ZNF385D: variants seen among roughly 807,000 people sequenced by gnomAD.
ZNF385D encodes the protein zinc finger protein 659.
In ZNF385D, 15 loss-of-function variants were observed where a neutral mutation model predicts 35.8. The observed-to-expected ratio is 0.42, with a 90% CI of 0.28 to 0.64. The LOEUF (loss-of-function observed/expected upper bound fraction) is 0.64, where lower values mean the gene tolerates loss of function less well. Ranked by LOEUF, ZNF385D falls within the 30% of genes least tolerant of loss-of-function variation. ZNF385D has a pLI of 0.23. For missense variants in ZNF385D, 474 were observed against 494.6 expected (o/e 0.96, Z 0.39); for synonymous variants, 212 against 186.8 (o/e 1.13, Z -1.10).
intron 2 of ZNF385D, among the ~76,000 whole-genome samples, chr3:21,605,234 G>C (rs1345198900): frequency 6.6e-6 from 1 of 152,156 alleles, no homozygotes. Flanking sequence ...AGTTGGGAAG[G>C]AAGACACACA....
At chr3:22,209,344 A>G (rs2125257455) in intron 2 of ZNF385D, among the ~76,000 whole-genome samples, 1 of 152,094 alleles carries the variant, frequency 6.6e-6, no homozygotes, top group African/African-American at 2.4e-5. Context: ...GAAAGTAATT[A>G]AAGTGAGTGG....
chr3:22,281,133 A>G (rs1701715529), intron 2 of ZNF385D, among the ~76,000 whole-genome samples: 1 of 152,016 alleles, frequency 6.6e-6, no homozygotes, highest in Non-Finnish European at 1.5e-5. Context: ...AGGAGCTTTT[A>G]GGATGAGTCT....
At chr3:22,337,170 A>G (rs1321627854) in intron 2 of ZNF385D, among the ~76,000 whole-genome samples, 1 of 149,504 alleles carries the variant, frequency 6.7e-6, no homozygotes, top group African/African-American at 2.4e-5. Context: ...TTTCCATGAG[A>G]TTTTTTTTTT....
Position 22,342,058 on chromosome 3 carries a change from G to A in ZNF385D, c.106+30392C>T, listed in dbSNP as rs529743177. Among the ~76,000 whole-genome samples, 29 of 151,876 alleles carry A rather than the reference G, an allele frequency of 1.9e-4. 1 individual carries two copies. The highest frequency in any genetic ancestry group is 2.8e-4 in the Non-Finnish European group (19 of 67,964). ...TGGGAGGCCAAGGCAGGCAGATCAC[G>A]AGGTCAGGAAATCGAGACCATCCTG... On this transcript the variant is annotated intron_variant, in intron 2 of 5. Transcript: ENST00000494108.
At chr3:22,033,221 G>T (rs2125485877) in intron 3 of ZNF385D, among the ~76,000 whole-genome samples, 1 of 151,982 alleles carries the variant, frequency 6.6e-6, no homozygotes, top group East Asian at 1.9e-4. Context: ...GGACAACATG[G>T]TGGAACCCTG....
chr3:21,630,957 A>T lies in ZNF385D; in HGVS notation c.165+33929T>A, dbSNP rs556098006. Among the ~76,000 whole-genome samples, 8 of 152,252 alleles carry T rather than the reference A, an allele frequency of 5.3e-5. 1 individual carries two copies. The South Asian group carries it at 1.2e-3, about 24-fold the overall frequency. On this transcript the variant is annotated intron_variant, in intron 2 of 7. Transcript: ENST00000281523. ...TAGTAGGAGGTGAAGATACGATAAAAATCCAAGTCATCTATCGAGTTTCGT... is the reference window on the plus strand; with the variant it reads ...TAGTAGGAGGTGAAGATACGATAAATATCCAAGTCATCTATCGAGTTTCGT...
chr3:22,167,002 T>C (rs1332049378), intron 3 of ZNF385D, among the ~76,000 whole-genome samples: 1 of 152,216 alleles, frequency 6.6e-6, no homozygotes, highest in Non-Finnish European at 1.5e-5. Flanking sequence ...GAGACTGAAA[T>C]ATACATTTTA....
At chr3:22,155,142 T>C (rs1035245141) in intron 3 of ZNF385D, among the ~76,000 whole-genome samples, 23 of 152,132 alleles carry the variant, frequency 1.5e-4, no homozygotes, top group African/African-American at 5.6e-4. Context: ...ATTGTATGAA[T>C]ATATAAAAAT....
chr3:21,974,021 A>T (rs1486792691), intron 3 of ZNF385D, among the ~76,000 whole-genome samples: 1 of 152,216 alleles, frequency 6.6e-6, no homozygotes, highest in East Asian at 1.9e-4. Context: ...TATTCAATAA[A>T]TGCCTATCAA....
At chr3:21,923,773 A>G (rs1053355341) in intron 3 of ZNF385D, among the ~76,000 whole-genome samples, 25 of 152,150 alleles carry the variant, frequency 1.6e-4, no homozygotes, top group Admixed American at 1.5e-3. Context: ...ACCAAATACC[A>G]TAAGTTCTCA....
At chr3:22,241,067 T>C (rs1576549093) in intron 2 of ZNF385D, among the ~76,000 whole-genome samples, 1 of 151,192 alleles carries the variant, frequency 6.6e-6, no homozygotes, top group Non-Finnish European at 1.5e-5. Flanking sequence ...TAATACCCAA[T>C]GAAGAGCTCC....
At chr3:21,439,297 C>CAAAAA (rs143786633) in intron 4 of ZNF385D, among the ~76,000 whole-genome samples, 1 of 89,304 alleles carries the variant, frequency 1.1e-5, no homozygotes. Flanking sequence ...GATTTTGAGG[C>CAAAAA]AAAAAAAAAA....
At chr3:21,481,370 G>T (rs937742263) in intron 4 of ZNF385D, among the ~76,000 whole-genome samples, 2 of 152,150 alleles carry the variant, frequency 1.3e-5, no homozygotes, top group African/African-American at 2.4e-5. Flanking sequence ...AGCTTGGTGA[G>T]AACCCAAGGG....
At chr3:22,151,497 C>T (rs772494421) in intron 3 of ZNF385D, among the ~76,000 whole-genome samples, 6 of 152,194 alleles carry the variant, frequency 3.9e-5, no homozygotes, top group South Asian at 2.1e-4. Flanking sequence ...TCCAAATTCA[C>T]TCAATTTAAA....
intron 3 of ZNF385D, among the ~76,000 whole-genome samples, chr3:21,930,385 C>T (rs903345725): frequency 1.3e-5 from 2 of 151,104 alleles, no homozygotes; most frequent in South Asian, 2.1e-4. Context: ...TAGGCAATTG[C>T]TACTCAGCTA....
intron 3 of ZNF385D, among the ~76,000 whole-genome samples, chr3:22,098,585 T>C (rs1701759010): frequency 6.6e-6 from 1 of 152,082 alleles, no homozygotes; most frequent in African/African-American, 2.4e-5. Flanking sequence ...AAAGTTTCTA[T>C]TTTTATTTGA....
At chr3:22,290,137 G>A (rs1001981328) in intron 2 of ZNF385D, among the ~76,000 whole-genome samples, 13 of 152,114 alleles carry the variant, frequency 8.5e-5, no homozygotes, top group African/African-American at 3.1e-4. Flanking sequence ...GGTGGATTAA[G>A]AGCCAAATTG....
chr3:22,171,708 C>T (rs1694442401), intron 2 of ZNF385D, among the ~76,000 whole-genome samples: 1 of 151,710 alleles, frequency 6.6e-6, no homozygotes, highest in Non-Finnish European at 1.5e-5. Flanking sequence ...AATCCCGTCT[C>T]TACTAAAAAA....
At chr3:21,732,651 A>T (rs1162492137) in intron 1 of ZNF385D, among the ~76,000 whole-genome samples, 1 of 152,194 alleles carries the variant, frequency 6.6e-6, no homozygotes, top group African/African-American at 2.4e-5. Context: ...ATGATGTGGA[A>T]CACCTTTTCA....
Sources: allele counts gnomAD v4.1 joint callset (sites outside exome capture counted in the v4.1 genomes callset), GRCh38; gene constraint gnomAD v4.1.1; transcripts MANE v1.5; gene names NCBI Gene and HGNC (gene_info 2026-07-23, HGNC 2026-07-21).